LSAMP: variants seen among roughly 807,000 people sequenced by gnomAD.
The protein encoded by LSAMP is limbic system associated membrane protein.
LSAMP carries 7 observed loss-of-function variants against 38.6 expected under a neutral mutation model. The observed-to-expected ratio is 0.18, with a 90% confidence interval of 0.10 to 0.34. LSAMP has a LOEUF of 0.34. Ranked by LOEUF, LSAMP falls within the 10% of genes least tolerant of loss-of-function variation. The pLI, the probability that LSAMP is intolerant of heterozygous loss-of-function variation, is 1.00. For synonymous variants in LSAMP, 154 were observed against 166.8 expected (o/e 0.92, Z 0.59); for missense variants, 313 against 420.0 (o/e 0.75, Z 2.23).
chr3:116,207,550 T>C (rs1240895219), intron 1 of LSAMP, among the ~76,000 whole-genome samples: 1 of 151,910 alleles, frequency 6.6e-6, no homozygotes, highest in Non-Finnish European at 1.5e-5. Context: ...TCCCGGTTGT[T>C]CCTTTCCATG....
rs557993639 is a variant in LSAMP at position 116,040,013 on chromosome 3, G to A, written c.389-20373C>T. ...TCTCTTTGGGGGGGGAAAAAAACTG[G>A]TCCCCTTTTCTACTTACTGGGAGTG... is the stretch of plus-strand genomic sequence containing the variant. On this transcript the variant is annotated intron_variant, in intron 2 of 6. Coordinates refer to ENST00000490035, the MANE Select transcript of LSAMP (RefSeq NM_002338.5). Among the ~76,000 whole-genome samples, 3 of 152,158 alleles carry A rather than the reference G, an allele frequency of 2.0e-5. No homozygotes were observed. In the East Asian group the frequency reaches 5.8e-4, roughly 29 times the overall value.
chr3:116,421,685 C>T (rs1415503568), intron 1 of LSAMP, among the ~76,000 whole-genome samples: 1 of 151,920 alleles, frequency 6.6e-6, no homozygotes, highest in African/African-American at 2.4e-5. Flanking sequence ...AGAAAAAATG[C>T]ACAACATTAG....
intron 1 of LSAMP, among the ~76,000 whole-genome samples, chr3:116,149,646 C>T (rs992208494): frequency 2.0e-5 from 3 of 151,854 alleles, no homozygotes; most frequent in Non-Finnish European, 4.4e-5. Context: ...GGCAGCTCAG[C>T]GTTATCTGAG....
At chr3:115,914,001 A>G (rs977053129) in intron 3 of LSAMP, among the ~76,000 whole-genome samples, 47 of 152,234 alleles carry the variant, frequency 3.1e-4, no homozygotes, top group African/African-American at 1.1e-3. Context: ...AAAAAGATAA[A>G]AAGAAAAGAA....
intron 1 of LSAMP, among the ~76,000 whole-genome samples, chr3:116,412,838 AG>A (rs1259220916): frequency 6.6e-6 from 1 of 152,106 alleles, no homozygotes; most frequent in Non-Finnish European, 1.5e-5. Context: ...TGGCAGCATC[AG>A]TATAGTATTG....
intron 1 of LSAMP, among the ~76,000 whole-genome samples, chr3:116,191,523 C>T (rs984902503): frequency 6.6e-6 from 1 of 152,150 alleles, no homozygotes; most frequent in African/African-American, 2.4e-5. Flanking sequence ...AAGAACCTTT[C>T]AGGGCATGAG....
chr3:116,330,296 C>T (rs2047831318), intron 1 of LSAMP, among the ~76,000 whole-genome samples: 1 of 152,114 alleles, frequency 6.6e-6, no homozygotes, highest in Non-Finnish European at 1.5e-5. Context: ...AGCTACCCAT[C>T]CCACATTCCG....
intron 1 of LSAMP, among the ~76,000 whole-genome samples, chr3:116,405,048 G>A (rs561133082): frequency 6.6e-6 from 1 of 152,268 alleles, no homozygotes; most frequent in Non-Finnish European, 1.5e-5. Flanking sequence ...GAGGCTAAGA[G>A]TTTATTCATA....
chr3:116,119,482 TATC>T (rs1304550477), intron 1 of LSAMP, among the ~76,000 whole-genome samples: 1 of 151,984 alleles, frequency 6.6e-6, no homozygotes. Context: ...AAGAGAAAAT[TATC>T]ATAAGAAAGA....
chr3:115,903,509 G>C (rs534700516), intron 3 of LSAMP, among the ~76,000 whole-genome samples: 2 of 152,120 alleles, frequency 1.3e-5, no homozygotes, highest in African/African-American at 2.4e-5. Flanking sequence ...CAAAAAAAAG[G>C]TGTCAACAAA....
intron 3 of LSAMP, among the ~76,000 whole-genome samples, chr3:115,979,229 G>A (rs969845041): frequency 9.9e-5 from 15 of 151,924 alleles, no homozygotes; most frequent in East Asian, 1.9e-4. Flanking sequence ...TAAGTTGGTC[G>A]TATTGAAGCT....
At chr3:116,203,113 CTT>C (rs1396693715) in intron 1 of LSAMP, among the ~76,000 whole-genome samples, 2 of 152,130 alleles carry the variant, frequency 1.3e-5, no homozygotes, top group Admixed American at 6.5e-5. Context: ...ATCTTCATGT[CTT>C]TTATTTTCCT....
At chr3:115,997,788 AT>A (rs1939865997) in intron 3 of LSAMP, among the ~76,000 whole-genome samples, 2 of 145,078 alleles carry the variant, frequency 1.4e-5, no homozygotes, top group Admixed American at 1.4e-4. Flanking sequence ...ATATTTAAAT[AT>A]ATACATGCAT....
intron 1 of LSAMP, among the ~76,000 whole-genome samples, chr3:116,421,407 T>C (rs985623942): frequency 2.6e-5 from 4 of 151,868 alleles, no homozygotes; most frequent in South Asian, 2.1e-4. Flanking sequence ...CTGTCTCTAC[T>C]GAAAATAGAA....
intron 1 of LSAMP, among the ~76,000 whole-genome samples, chr3:116,306,934 G>A (rs2047492179): frequency 6.6e-6 from 1 of 151,932 alleles, no homozygotes; most frequent in Non-Finnish European, 1.5e-5. Flanking sequence ...TCCCTGCAGG[G>A]CAGCCTTTGA....
In LSAMP at chr3:116,116,757, A is replaced by G. The variant is rs140666471; in HGVS notation, c.156-30201T>C. Among the ~76,000 whole-genome samples, 59 of 151,992 alleles carry G rather than the reference A, an allele frequency of 3.9e-4. No individual in the cohort carries two copies. In the East Asian group the frequency reaches 0.011, roughly 28 times the overall value. On this transcript the variant is annotated intron_variant, in intron 1 of 6. Coordinates refer to ENST00000490035, the MANE Select transcript of LSAMP (RefSeq NM_002338.5). ...AATAATAATAATAATAAAATGAGGA[A>G]TAAAATGTAAGTGGGTTCTTGGAAG... is the stretch of plus-strand genomic sequence containing the variant.
chr3:116,047,130 C>T (rs983586699), intron 2 of LSAMP, among the ~76,000 whole-genome samples: 2 of 152,070 alleles, frequency 1.3e-5, no homozygotes, highest in South Asian at 4.1e-4. Context: ...AATCTGATGC[C>T]CTCAAGAAAA....
chr3:116,299,090 G>T (rs2047372883), intron 1 of LSAMP, among the ~76,000 whole-genome samples: 1 of 152,194 alleles, frequency 6.6e-6, no homozygotes, highest in African/African-American at 2.4e-5. Flanking sequence ...TAAGCAATGA[G>T]CTGAAAGTTG....
rs904265178 is a variant in LSAMP, at chr3:116,414,508, A to T, written c.155+30369T>A. ...ATAGGTCTGACCTCAACAATCTTAC[A>T]TCTCACTGAGTTGAAGCAGACAGAG... On this transcript the variant is annotated intron_variant, in intron 1 of 6. Transcript: ENST00000490035. 1.3e-5 allele frequency among the ~76,000 whole-genome samples: 2 copies of T among 152,182 alleles called. 1 individual carries two copies. The highest frequency in any genetic ancestry group is 1.3e-4 in the Admixed American group (2 of 15,278).
Sources: gnomAD v4.1 joint callset for allele counts (sites outside exome capture counted in the v4.1 genomes callset) on GRCh38, gnomAD v4.1.1 for gene constraint, MANE v1.5 for transcripts, NCBI Gene and HGNC (gene_info 2026-07-23, HGNC 2026-07-21) for gene names.